The following DAAM1 variants were observed in gnomAD, a reference collection of about 807,000 sequenced individuals.
DAAM1 encodes the protein dishevelled associated activator of morphogenesis 1.
DAAM1 carries 52 observed loss-of-function variants against 130.0 expected under a neutral mutation model. The ratio of observed to expected loss-of-function variants is 0.40; its 90% CI spans 0.32 to 0.50. The LOEUF is 0.50. Ranked by LOEUF, DAAM1 falls within the 20% of genes least tolerant of loss-of-function variation. The pLI is 0.61. For missense variants in DAAM1, 1,134 were observed against 1,303.8 expected (o/e 0.87, Z 2.01); for synonymous variants, 452 against 444.5 (o/e 1.02, Z -0.21).
intron 1 of DAAM1, among the ~76,000 whole-genome samples, chr14:59,260,180 AC>A (rs1201813410): frequency 6.6e-6 from 1 of 152,232 alleles, no homozygotes; most frequent in Non-Finnish European, 1.5e-5. Flanking sequence ...ATGTAGATTA[AC>A]CTAACTTGGA....
chr14:59,350,758 C>T (rs571244627), intron 17 of DAAM1, among the ~76,000 whole-genome samples: 1 of 152,284 alleles, frequency 6.6e-6, no homozygotes, highest in Non-Finnish European at 1.5e-5. Flanking sequence ...CCCTGTGAGC[C>T]ACGCAGGCCT....
intron 21 of DAAM1, among the ~76,000 whole-genome samples, chr14:59,360,405 T>A (rs1187058504): frequency 6.6e-6 from 1 of 152,230 alleles, no homozygotes; most frequent in African/African-American, 2.4e-5. Context: ...TTATACAGAG[T>A]ACAATGTGAA....
chr14:59,331,976 T>G (rs1314481801), intron 15 of DAAM1, 56 bp downstream of exon 15: 14 of 1,464,478 alleles, frequency 9.6e-6, no homozygotes, highest in Non-Finnish European at 1.2e-5. Context: ...GTCTTATGCA[T>G]GATCTCTGGC....
At chr14:59,348,107 CACAAG>C (rs1345880748) in intron 17 of DAAM1, among the ~76,000 whole-genome samples, 1 of 152,218 alleles carries the variant, frequency 6.6e-6, no homozygotes, top group African/African-American at 2.4e-5. Context: ...ACATACGTGT[CACAAG>C]ACAGGTTGTA....
chr14:59,269,804 A>G (rs1882629343), intron 2 of DAAM1, among the ~76,000 whole-genome samples: 1 of 152,166 alleles, frequency 6.6e-6, no homozygotes, highest in Non-Finnish European at 1.5e-5. Context: ...CAGTGAGAAG[A>G]GCATGTATAA....
In DAAM1 at chr14:59,306,040, G is replaced by A. The variant is rs999624426; in HGVS notation, c.274-9240G>A. ...TAGAGATCCATTGATAAAAACCAGGGCTTAGTTAAAAGGCAGGAGAGTTAA... is the reference window on the plus strand; with the variant it reads ...TAGAGATCCATTGATAAAAACCAGGACTTAGTTAAAAGGCAGGAGAGTTAA... On this transcript the variant is annotated intron_variant, in intron 3 of 24. Coordinates refer to ENST00000360909, the MANE Select transcript of DAAM1 (RefSeq NM_001270520.2). 4.0e-5 allele frequency among the ~76,000 whole-genome samples: 6 copies of A among 151,600 alleles called. No homozygotes were observed. The South Asian group carries it at 1.0e-3, about 26-fold the overall frequency.
At chr14:59,228,223 T>G (rs531076632) in intron 1 of DAAM1, among the ~76,000 whole-genome samples, 25 of 152,296 alleles carry the variant, frequency 1.6e-4, no homozygotes, top group African/African-American at 5.8e-4. Flanking sequence ...TCATTCTCTA[T>G]TCATCTTTCT....
chr14:59,359,493 T>G lies in DAAM1; in HGVS notation c.2622T>G (p.Ala874=). 1 of 1,613,030 alleles carries G rather than the reference T, an allele frequency of 6.2e-7. No individual in the cohort carries two copies. Among genetic ancestry groups the G allele is most frequent in the Non-Finnish European group, 8.5e-7 (1 of 1,179,118 alleles). ...LNEELRDIPQ[A]AKVNMTELDK... ...AAGAATTGCGAGATATTCCTCAAGC[T>G]GCGAAAGTAAAGTAAGTACTTACAG... The change falls in exon 21 of 25, where the codon GCT becomes GCG. Residue 874 remains alanine (A), a synonymous_variant. Transcript: ENST00000360909.
intron 1 of DAAM1, among the ~76,000 whole-genome samples, chr14:59,240,449 G>A (rs1881054008): frequency 6.6e-6 from 1 of 152,078 alleles, no homozygotes; most frequent in Non-Finnish European, 1.5e-5. Flanking sequence ...ATTGGAATTG[G>A]CTTAAAGGGG....
chr14:59,229,189 C>T (rs1195856253), intron 1 of DAAM1, among the ~76,000 whole-genome samples: 2 of 152,256 alleles, frequency 1.3e-5, no homozygotes, highest in East Asian at 3.9e-4. Flanking sequence ...ATGTTTTTAC[C>T]AAAGACACTC....
intron 1 of DAAM1, among the ~76,000 whole-genome samples, chr14:59,202,841 A>T (rs942127218): frequency 6.6e-6 from 1 of 152,140 alleles, no homozygotes; most frequent in African/African-American, 2.4e-5. Context: ...GATATTTGTT[A>T]TGTCTATGGT....
chr14:59,328,018 C>T (rs920142128), intron 12 of DAAM1, among the ~76,000 whole-genome samples: 3 of 152,232 alleles, frequency 2.0e-5, no homozygotes, highest in Non-Finnish European at 4.4e-5. Flanking sequence ...CTACCATGCT[C>T]TCACCATACT....
intron 24 of DAAM1, 63 bp downstream of exon 24, chr14:59,367,662 A>G (rs1382028917): frequency 1.9e-6 from 3 of 1,555,202 alleles, no homozygotes; most frequent in Non-Finnish European, 2.6e-6. Flanking sequence ...AGCCCAGTCA[A>G]AGGTATTTAG....
At chr14:59,333,123 A>C (rs1264653263) in intron 15 of DAAM1, among the ~76,000 whole-genome samples, 2 of 152,186 alleles carry the variant, frequency 1.3e-5, no homozygotes, top group African/African-American at 4.8e-5. Context: ...CCTTTGATAC[A>C]TCTGAAATGG....
chr14:59,350,813 T>A (rs553464194), intron 17 of DAAM1, among the ~76,000 whole-genome samples: 4 of 152,192 alleles, frequency 2.6e-5, no homozygotes, highest in Non-Finnish European at 5.9e-5. Context: ...TTTTTCCTTT[T>A]CTTGTCCTGG....
At chr14:59,256,001 C>CTCT in intron 1 of DAAM1, among the ~76,000 whole-genome samples, 6 of 152,090 alleles carry the variant, frequency 3.9e-5, no homozygotes, top group African/African-American at 1.4e-4. Context: ...CTGCCATTTC[C>CTCT]ACTAAACCCC....
chr14:59,337,931 A>G (rs1885691805), intron 15 of DAAM1, among the ~76,000 whole-genome samples: 1 of 152,120 alleles, frequency 6.6e-6, no homozygotes, highest in Non-Finnish European at 1.5e-5. Context: ...AAAAAAGTTT[A>G]TTTATTTATG....
chr14:59,276,199 G>A (rs1389669752), intron 2 of DAAM1, among the ~76,000 whole-genome samples: 1 of 152,148 alleles, frequency 6.6e-6, no homozygotes, highest in Non-Finnish European at 1.5e-5. Flanking sequence ...CAGATGAGAT[G>A]GTCATTTGCT....
intron 16 of DAAM1, among the ~76,000 whole-genome samples, chr14:59,346,102 C>G (rs183985582): frequency 5.9e-4 from 87 of 148,272 alleles, no homozygotes; most frequent in Admixed American, 1.3e-3. Flanking sequence ...TTGCTTAATC[C>G]TCATGTGCAC....
Sources: gnomAD v4.1 joint callset for allele counts (sites outside exome capture counted in the v4.1 genomes callset) on GRCh38, gnomAD v4.1.1 for gene constraint, MANE v1.5 for transcripts, NCBI Gene and HGNC (gene_info 2026-07-23, HGNC 2026-07-21) for gene names.